SAMD5: variants seen among roughly 807,000 people sequenced by gnomAD.
The protein encoded by SAMD5 is sterile alpha motif domain-containing protein 5.
SAMD5 carries 13 observed loss-of-function variants against 11.3 expected under a neutral mutation model. The observed-to-expected ratio is 1.15, with a 90% CI of 0.75 to 1.83. The LOEUF is 1.83. Among genes scored for constraint, SAMD5 ranks in the 40% most tolerant of loss-of-function variants. The pLI is 0.00. For synonymous variants in SAMD5, 129 were observed against 111.3 expected (o/e 1.16, Z -1.00); for missense variants, 255 against 239.1 (o/e 1.07, Z -0.44).
At chr6:147,645,830 A>G (rs1018822583) in intron 1 of SAMD5, among the ~76,000 whole-genome samples, 7 of 152,200 alleles carry the variant, frequency 4.6e-5, no homozygotes, top group African/African-American at 1.7e-4. Context: ...CTTTCACAAT[A>G]AATTAACACT....
At chr6:147,592,147 C>T (rs1789464233) in intron 1 of SAMD5, among the ~76,000 whole-genome samples, 1 of 152,030 alleles carries the variant, frequency 6.6e-6, no homozygotes, top group Admixed American at 6.6e-5. Context: ...ACCACCACAC[C>T]CAGGCAATGT....
chr6:147,522,847 C>T lies in SAMD5; in HGVS notation c.459+13460C>T, dbSNP rs148547502. 4.8e-3 allele frequency among the ~76,000 whole-genome samples: 738 copies of T among 152,312 alleles called. 6 individuals carry two copies. The highest frequency in any genetic ancestry group is 0.016 in the African/African-American group (676 of 41,564). Reference sequence around the variant, plus strand: ...AGCACCCCTGTTGCTCAAAAGGCAGCAGCCACATAGTTGTGGGTAAAGGTT... The same window carrying T: ...AGCACCCCTGTTGCTCAAAAGGCAGTAGCCACATAGTTGTGGGTAAAGGTT... On this transcript the variant is annotated intron_variant, in intron 1 of 1. Coordinates refer to ENST00000367474, the MANE Select transcript of SAMD5 (RefSeq NM_001030060.3).
At chr6:147,673,856 T>G (rs1413766073) in intron 1 of SAMD5, among the ~76,000 whole-genome samples, 1 of 152,062 alleles carries the variant, frequency 6.6e-6, no homozygotes, top group Non-Finnish European at 1.5e-5. Context: ...GGAATAGGGT[T>G]TTAAAAGAAA....
At chr6:147,917,615 G>C in the SAMD5 span, among the ~76,000 whole-genome samples, 1 of 152,078 alleles carries the variant, frequency 6.6e-6, no homozygotes, top group Non-Finnish European at 1.5e-5. Context: ...TGGTGTTTTA[G>C]ACATGAAGAC....
chr6:147,728,712 A>C (rs937699483), intron 1 of SAMD5, among the ~76,000 whole-genome samples: 1 of 152,222 alleles, frequency 6.6e-6, no homozygotes, highest in Non-Finnish European at 1.5e-5. Flanking sequence ...ATTTTAAAAA[A>C]TAGGCCAGTC....
the SAMD5 span, among the ~76,000 whole-genome samples, chr6:147,805,513 G>A: frequency 4.0e-3 from 613 of 152,230 alleles, 5 homozygotes; most frequent in Non-Finnish European, 6.7e-3. Flanking sequence ...AATAATGGAC[G>A]TGTGAGAAGA....
the SAMD5 span, among the ~76,000 whole-genome samples, chr6:147,906,428 C>A: frequency 3.3e-5 from 5 of 152,164 alleles, no homozygotes; most frequent in Non-Finnish European, 7.3e-5. Context: ...GGCTTTTACA[C>A]CCCAGATTCT....
chr6:147,831,619 T>A, the SAMD5 span, among the ~76,000 whole-genome samples: 1 of 152,208 alleles, frequency 6.6e-6, no homozygotes, highest in African/African-American at 2.4e-5. Flanking sequence ...GAGTTATTTT[T>A]AAAATATCTT....
downstream of SAMD5, among the ~76,000 whole-genome samples, chr6:147,573,173 C>T (rs1234086102): frequency 6.6e-6 from 1 of 152,158 alleles, no homozygotes; most frequent in African/African-American, 2.4e-5. Flanking sequence ...GGATACAAAG[C>T]CCCGTTCTTC....
intron 1 of SAMD5, among the ~76,000 whole-genome samples, chr6:147,630,137 C>G (rs1344986284): frequency 6.6e-6 from 1 of 151,758 alleles, no homozygotes; most frequent in South Asian, 2.1e-4. Flanking sequence ...TTAGTAGAGA[C>G]GAGGTTTCTC....
chr6:147,627,275 C>T (rs975407154), intron 1 of SAMD5, among the ~76,000 whole-genome samples: 1 of 152,172 alleles, frequency 6.6e-6, no homozygotes, highest in African/African-American at 2.4e-5. Context: ...TCCTGACCAA[C>T]TGAAGGCCCT....
chr6:147,903,621 C>T, the SAMD5 span, among the ~76,000 whole-genome samples: 1 of 151,994 alleles, frequency 6.6e-6, no homozygotes, highest in African/African-American at 2.4e-5. Context: ...ATGAAACTTC[C>T]AACATCAGCC....
chr6:147,884,668 G>A, the SAMD5 span, among the ~76,000 whole-genome samples: 1 of 152,022 alleles, frequency 6.6e-6, no homozygotes, highest in East Asian at 1.9e-4. Flanking sequence ...TATGTTTATT[G>A]TCTTCATGAT....
chr6:147,586,996 C>T (rs1229441384), intron 1 of SAMD5, among the ~76,000 whole-genome samples: 2 of 152,082 alleles, frequency 1.3e-5, no homozygotes, highest in Admixed American at 1.3e-4. Context: ...TATCTGCTTG[C>T]TTGCAGAGTT....
the SAMD5 span, among the ~76,000 whole-genome samples, chr6:147,923,709 G>T: frequency 8.7e-4 from 133 of 152,250 alleles, 1 homozygote; most frequent in African/African-American, 3.0e-3. Context: ...TTCAGTACAC[G>T]ATGTGGTTCC....
At chr6:147,840,518 C>G in the SAMD5 span, among the ~76,000 whole-genome samples, 4 of 152,164 alleles carry the variant, frequency 2.6e-5, no homozygotes, top group South Asian at 8.3e-4. Flanking sequence ...CACCTGCTCT[C>G]AGCAGAAGAA....
chr6:147,952,794 G>A, the SAMD5 span, among the ~76,000 whole-genome samples: 19 of 152,286 alleles, frequency 1.2e-4, no homozygotes, highest in East Asian at 5.8e-4. Context: ...GATTACTGGC[G>A]TGAGCCACCG....
the SAMD5 span, among the ~76,000 whole-genome samples, chr6:147,896,754 A>AACAAAAAACAAACAAAC: frequency 6.7e-6 from 1 of 149,830 alleles, no homozygotes; most frequent in Non-Finnish European, 1.5e-5. Context: ...AAAAAAAAAA[A>AACAAAAAACAAACAAAC]AAAAAAAAAC....
chr6:147,509,229 G>T lies in SAMD5; in HGVS notation c.301G>T (p.Gly101Cys). ...PTGRRGEPCG[G>C]PAQGTRGDSR... ...CGGCCGCCGGGGGGAGCCGTGCGGC[G>T]GCCCGGCCCAGGGCACCCGCGGGGA... The change falls in exon 1 of 2, where the codon GGC becomes TGC. Residue 101 changes from glycine to cysteine, a missense_variant. Coordinates refer to ENST00000367474, the MANE Select transcript of SAMD5 (RefSeq NM_001030060.3). The T allele has an allele frequency of 7.2e-7, 1 of 1,393,830 alleles. No homozygotes were observed. The highest frequency in any genetic ancestry group is 9.4e-7 in the Non-Finnish European group (1 of 1,068,018). 86.3% of individuals were successfully genotyped at this position (1,393,830 alleles called of 1,614,324 possible).
Sources: allele counts gnomAD v4.1 joint callset (sites outside exome capture counted in the v4.1 genomes callset), GRCh38; gene constraint gnomAD v4.1.1; transcripts MANE v1.5; gene names NCBI Gene and HGNC (gene_info 2026-07-23, HGNC 2026-07-21).